Variants in MPP7 observed in about 807,000 individuals in gnomAD.
The protein encoded by MPP7 is MAGUK p55 subfamily member 7.
Under a neutral mutation model 76.5 loss-of-function variants are expected in MPP7, and 60 were observed. The ratio of observed to expected loss-of-function variants is 0.78; its 90% CI spans 0.64 to 0.97. The LOEUF (loss-of-function observed/expected upper bound fraction) is 0.97. Ranked by LOEUF, MPP7 falls within the 50% of genes least tolerant of loss-of-function variation. The pLI is 0.00. For synonymous variants in MPP7, 237 were observed against 244.5 expected, an observed-to-expected ratio of 0.97 and a Z score of 0.29; for missense variants, 641 against 694.0, an observed-to-expected ratio of 0.92 and a Z score of 0.86.
At chr10:28,283,858 A>C (rs1840736492) in intron 1 of MPP7, among the ~76,000 whole-genome samples, 1 of 152,188 alleles carries the variant, frequency 6.6e-6, no homozygotes, top group African/African-American at 2.4e-5. Context: ...AGACAGGAAA[A>C]TGTCTATTTT....
At chr10:28,198,235 G>A (rs1249042588) in intron 3 of MPP7, among the ~76,000 whole-genome samples, 1 of 152,060 alleles carries the variant, frequency 6.6e-6, no homozygotes. Context: ...ACATAGTTGT[G>A]AGTTAAAAAC....
intron 1 of MPP7, among the ~76,000 whole-genome samples, chr10:28,293,028 C>A (rs1211045997): frequency 1.5e-5 from 2 of 130,816 alleles, no homozygotes; most frequent in Admixed American, 8.0e-5. Context: ...ATTTCCTACA[C>A]AAGACCCAGA....
intron 12 of MPP7, among the ~76,000 whole-genome samples, chr10:28,080,076 G>T (rs1852689098): frequency 7.2e-6 from 1 of 139,660 alleles, no homozygotes; most frequent in Non-Finnish European, 1.5e-5. Context: ...GGAGGGGGAG[G>T]GAGGGAGAGG....
chr10:28,262,255 ATATG>A lies in MPP7; in HGVS notation c.-131-23524_-131-23521del, dbSNP rs1422563999. Among the ~76,000 whole-genome samples, 17 of 48,294 alleles carry A rather than the reference ATATG, an allele frequency of 3.5e-4. 2 individuals carry two copies. The highest frequency in any genetic ancestry group is 1.4e-3 in the African/African-American group (13 of 8,980). The allele number at this position is 48,294 out of a possible 152,430, so 31.7% of individuals were successfully genotyped here. A position where few individuals can be genotyped will look rare whatever the true frequency, so the allele number is the denominator to read the frequency against. On this transcript the variant is annotated intron_variant, in intron 1 of 16. Coordinates refer to ENST00000683449, the MANE Select transcript of MPP7 (RefSeq NM_001318170.2). ...TATATATATATATACATATATATATATATGTATATATATATATATATATTTTTTT... is the reference window on the plus strand; with the variant it reads ...TATATATATATATACATATATATATATATATATATATATATATATTTTTTT...
chr10:28,201,891 C>A (rs1588917417), intron 3 of MPP7, among the ~76,000 whole-genome samples: 1 of 152,280 alleles, frequency 6.6e-6, no homozygotes, highest in African/African-American at 2.4e-5. Context: ...AACCTTCCTG[C>A]TACTATTTCA....
chr10:28,296,799 G>C (rs1019574065), intron 1 of MPP7, among the ~76,000 whole-genome samples: 1 of 151,956 alleles, frequency 6.6e-6, no homozygotes, highest in Non-Finnish European at 1.5e-5. Flanking sequence ...TTTTGTTTTT[G>C]TTTTTTTACT....
intron 1 of MPP7, among the ~76,000 whole-genome samples, chr10:28,300,010 G>A (rs576272893): frequency 2.0e-5 from 3 of 151,920 alleles, no homozygotes; most frequent in South Asian, 4.2e-4. Context: ...CTTGTGATCC[G>A]CCCGCCTCGG....
At chr10:28,149,139 C>A (rs1835799985) in intron 4 of MPP7, among the ~76,000 whole-genome samples, 1 of 152,158 alleles carries the variant, frequency 6.6e-6, no homozygotes, top group African/African-American at 2.4e-5. Flanking sequence ...ATCAACTTCT[C>A]AAGATGGCCA....
chr10:28,059,150 G>A (rs940565194), intron 14 of MPP7, among the ~76,000 whole-genome samples: 1 of 152,192 alleles, frequency 6.6e-6, no homozygotes, highest in Admixed American at 6.5e-5. Flanking sequence ...TTGTGCCTCA[G>A]CAGATGGAAA....
At chr10:28,332,360 TCTTA>T (rs2133194192) in intron 1 of MPP7, among the ~76,000 whole-genome samples, 1 of 152,194 alleles carries the variant, frequency 6.6e-6, no homozygotes, top group Non-Finnish European at 1.5e-5. Context: ...TATATTTCCC[TCTTA>T]CTTATGATGT....
intron 1 of MPP7, among the ~76,000 whole-genome samples, chr10:28,251,644 T>C (rs1564733600): frequency 6.6e-6 from 1 of 152,328 alleles, no homozygotes; most frequent in South Asian, 2.1e-4. Context: ...AGTATCTTCA[T>C]TGCAGAGTTA....
intron 2 of MPP7, among the ~76,000 whole-genome samples, chr10:28,214,292 T>A (rs574738850): frequency 6.6e-6 from 1 of 152,336 alleles, no homozygotes; most frequent in South Asian, 2.1e-4. Flanking sequence ...TTTACACCAA[T>A]TCACCAGATA....
intron 1 of MPP7, among the ~76,000 whole-genome samples, chr10:28,293,485 C>T (rs1840969033): frequency 6.6e-6 from 1 of 152,134 alleles, no homozygotes; most frequent in African/African-American, 2.4e-5. Flanking sequence ...ACAATCTGGT[C>T]GTACTTAAGG....
At chr10:28,240,642 C>T (rs995463481) in intron 1 of MPP7, among the ~76,000 whole-genome samples, 44 of 152,220 alleles carry the variant, frequency 2.9e-4, no homozygotes, top group African/African-American at 1.0e-3. Flanking sequence ...TTCACTAATG[C>T]ACACGTATGG....
rs997568594 is a variant in MPP7, at chr10:28,092,493, G to T, written c.953-2652C>A. Among the ~76,000 whole-genome samples, 17 of 151,746 alleles carry T rather than the reference G, an allele frequency of 1.1e-4. 1 individual carries two copies. The stretch of plus-strand genomic sequence containing the variant: ...GAGGATTCAAACTTCTATGTAAAGC[G>T]CCAGAGAAAAAGTTATTTATTACTT... On this transcript the variant is annotated intron_variant, in intron 11 of 16. Transcript: ENST00000683449.
At chr10:28,151,152 T>C (rs1027310746) in intron 3 of MPP7, among the ~76,000 whole-genome samples, 1 of 152,218 alleles carries the variant, frequency 6.6e-6, no homozygotes, top group Non-Finnish European at 1.5e-5. Flanking sequence ...TTTATTCTGA[T>C]TAGCCAGATG....
intron 11 of MPP7, among the ~76,000 whole-genome samples, chr10:28,109,149 G>C (rs1018274010): frequency 1.3e-5 from 2 of 152,074 alleles, no homozygotes; most frequent in South Asian, 4.1e-4. Flanking sequence ...TAAGCCAGGC[G>C]TGGTGGTGGG....
At chr10:28,239,738 T>C (rs750895893) in intron 1 of MPP7, among the ~76,000 whole-genome samples, 1 of 152,210 alleles carries the variant, frequency 6.6e-6, no homozygotes, top group Admixed American at 6.5e-5. Flanking sequence ...CAGTATAGCA[T>C]AGTAGCTAAG....
At chr10:28,274,984 T>C (rs996846307) in intron 1 of MPP7, among the ~76,000 whole-genome samples, 1 of 152,198 alleles carries the variant, frequency 6.6e-6, no homozygotes, top group Non-Finnish European at 1.5e-5. Context: ...ACACAGTACA[T>C]TCAAATACTA....
Sources: allele counts gnomAD v4.1 joint callset (sites outside exome capture counted in the v4.1 genomes callset), GRCh38; gene constraint gnomAD v4.1.1; transcripts MANE v1.5; gene names NCBI Gene and HGNC (gene_info 2026-07-23, HGNC 2026-07-21).